RTL1: variants seen among roughly 807,000 people sequenced by gnomAD.
The protein encoded by RTL1 is retrotransposon-like protein 1.
For synonymous variants in RTL1, 727 were observed against 748.4 expected (o/e 0.97, Z 0.47); for missense variants, 1,681 against 1,767.5 (o/e 0.95, Z 0.88).
At chr14:100,894,462 G>A (rs928630766) in intron 2 of RTL1, among the ~76,000 whole-genome samples, 1 of 152,216 alleles carries the variant, frequency 6.6e-6, no homozygotes, top group Non-Finnish European at 1.5e-5. Flanking sequence ...CGCCATTCAA[G>A]TGGCTGCGCC....
chr14:100,883,540 C>G lies in RTL1; in HGVS notation c.1249G>C (p.Val417Leu). ...ACCGCGACGCTGTGGTAGGGGTTCA[C>G]TCTCACCATGAGCAGCAGGAAGAGG... ...AHLFLLLMVR[V>L]NPYHSVAVQA... is the part of the protein sequence containing the mutation. Residue 417 changes from valine to leucine, a missense_variant, in exon 4 of 4, where the codon GTG (valine) becomes CTG (leucine). Physicochemically the swap from Val to Leu is conservative, Grantham distance 32. Coordinates refer to ENST00000649591, the MANE Select transcript of RTL1 (RefSeq NM_001134888.3). The surrounding 1 kb of genome is among the most constrained non-coding windows in gnomAD (Gnocchi z 5.9). 1 of 1,551,550 alleles carries G rather than the reference C, an allele frequency of 6.4e-7. No individual in the cohort carries two copies. Among genetic ancestry groups the G allele is most frequent in the South Asian group, 1.2e-5 (1 of 84,060 alleles).
chr14:100,883,626 T>C lies in RTL1; in HGVS notation c.1163A>G (p.Glu388Gly). The C allele has an allele frequency of 1.3e-6, 2 of 1,551,098 alleles. No individual in the cohort carries two copies. Among genetic ancestry groups the C allele is most frequent in the Non-Finnish European group, 8.7e-7 (1 of 1,146,888 alleles). ...CAACCAGCTGCTGACCATCCACCTC[T>C]CTGGAGCAGGTGAGTCGATCCAGGT... is the stretch of plus-strand genomic sequence containing the variant. ...NLTWIDSPAP[E>G]RWMVSSWLPS... is the part of the protein sequence containing the mutation. The change falls in exon 4 of 4, where the codon GAG becomes GGG. Residue 388 changes from glutamate (E) to glycine (G), a missense_variant. Coordinates refer to ENST00000649591, the MANE Select transcript of RTL1 (RefSeq NM_001134888.3). This position sits in a 1 kb window ranked among gnomAD's most constrained non-coding sequence, Gnocchi z 5.9.
At position 100,882,485 on chromosome 14, in the gene RTL1, G is replaced by A. The variant is rs1179100733; in HGVS notation, c.2304C>T (p.Ser768=). 2.3e-5 allele frequency: 36 copies of A among 1,552,042 alleles called. No homozygotes were observed. Among genetic ancestry groups the A allele is most frequent in the Non-Finnish European group, 2.7e-5 (31 of 1,147,102 alleles). The change falls in exon 4 of 4, where the codon AGC becomes AGT. Residue 768 remains serine, a synonymous_variant. Transcript: ENST00000649591. ...HHNVYCSLDK[S]QFHRQTVEFL... is the part of the protein sequence containing the mutation. Reference sequence around the variant, plus strand: ...ATTCCACGGTTTGGCGGTGGAACTGGCTCTTGTCCAGGGAGCAGTAGACGT... The same window carrying A: ...ATTCCACGGTTTGGCGGTGGAACTGACTCTTGTCCAGGGAGCAGTAGACGT...
chr14:100,885,756 G>A (rs1280696080), intron 3 of RTL1, among the ~76,000 whole-genome samples: 14 of 152,064 alleles, frequency 9.2e-5, no homozygotes, highest in Admixed American at 9.2e-4. Context: ...GAGGCTTCTG[G>A]AACTTCACAC....
intron 3 of RTL1, among the ~76,000 whole-genome samples, chr14:100,891,873 G>A (rs2038784385): frequency 6.6e-6 from 1 of 152,112 alleles, no homozygotes; most frequent in South Asian, 2.1e-4. Context: ...TTCGGTGGTG[G>A]TCTTCTCACT....
In RTL1 at chr14:100,884,733, G is replaced by C. The variant is rs757383513; in HGVS notation, c.56C>G (p.Ser19Ter). The change falls in exon 4 of 4, where the codon TCA becomes TGA. Residue 19 changes from serine (S) to a stop codon, truncating the protein, a stop_gained. Coordinates refer to ENST00000649591, the MANE Select transcript of RTL1 (RefSeq NM_001134888.3). LOFTEE classifies it low-confidence loss of function (END_TRUNC). ...CTCGGAGGACTCCATTTGTTTTGATGATGGATTCTTATGCTCCATCATCGT... is the reference window on the plus strand; with the variant it reads ...CTCGGAGGACTCCATTTGTTTTGATCATGGATTCTTATGCTCCATCATCGT... ...FETMMEHKNP[S>*]SKQMESSEGS... 9 of 1,607,516 alleles carry C rather than the reference G, an allele frequency of 5.6e-6. No individual in the cohort carries two copies. The highest frequency in any genetic ancestry group is 5.1e-5 in the Admixed American group (3 of 58,352).
In RTL1 at chr14:100,882,265, G is replaced by A; in HGVS notation, c.2524C>T (p.Gln842Ter). The change falls in exon 4 of 4, where the codon CAG (glutamine) becomes TAG (stop). Residue 842 changes from glutamine (Q) to a stop codon, truncating the protein, a stop_gained. Transcript: ENST00000649591. LOFTEE classifies it low-confidence loss of function (END_TRUNC). ...PLVRQLLSSY[Q>*]FYWGVEEQEA... Reference sequence around the variant, plus strand: ...TGCTCCTCGACTCCCCAGTAGAACTGGTAGGAGCTCAGCAGCTGCCGCACC... The same window carrying A: ...TGCTCCTCGACTCCCCAGTAGAACTAGTAGGAGCTCAGCAGCTGCCGCACC... 2 of 1,551,556 alleles carry A rather than the reference G, an allele frequency of 1.3e-6. No individual in the cohort carries two copies. Among genetic ancestry groups the A allele is most frequent in the Non-Finnish European group, 1.7e-6 (2 of 1,147,014 alleles).
chr14:100,896,107 A>T, intron 2 of RTL1, among the ~76,000 whole-genome samples: 1 of 152,206 alleles, frequency 6.6e-6, no homozygotes, highest in South Asian at 2.1e-4. Flanking sequence ...GCAAAACTAT[A>T]GCAATCACCT....
intron 3 of RTL1, among the ~76,000 whole-genome samples, chr14:100,892,139 GA>G (rs1354128101): frequency 6.6e-6 from 1 of 152,214 alleles, no homozygotes; most frequent in Non-Finnish European, 1.5e-5. Context: ...CCTGGGCTGG[GA>G]GGGGTGTAAG....
Position 100,881,330 on chromosome 14 carries a change from T to C in RTL1, c.3459A>G (p.Val1153=). ...TQLLTQMPAL[V]GANTIPAQEL... Reference sequence around the variant, plus strand: ...CCTGGGCTGGGATGGTGTTTGCACCTACGAGAGCGGGCATCTGGGTGAGCA... The same window carrying C: ...CCTGGGCTGGGATGGTGTTTGCACCCACGAGAGCGGGCATCTGGGTGAGCA... Residue 1153 remains valine, a synonymous_variant, in exon 4 of 4, where the codon GTA becomes GTG. Transcript: ENST00000649591. This position sits in a 1 kb window ranked among gnomAD's most constrained non-coding sequence, Gnocchi z 6.6. 1 of 1,550,548 alleles carries C rather than the reference T, an allele frequency of 6.4e-7. No individual in the cohort carries two copies. The highest frequency in any genetic ancestry group is 8.7e-7 in the Non-Finnish European group (1 of 1,146,964).
At position 100,884,056 on chromosome 14, in the gene RTL1, G is replaced by C; in HGVS notation, c.733C>G (p.Leu245Val). The C allele has an allele frequency of 6.4e-7, 1 of 1,551,736 alleles. No homozygotes were observed. The highest frequency in any genetic ancestry group is 1.2e-5 in the South Asian group (1 of 84,068). Residue 245 changes from leucine to valine, a missense_variant, in exon 4 of 4, where the codon CTG becomes GTG. Leu to Val is a conservative substitution (Grantham distance 32). Transcript: ENST00000649591. ...RLRVGYVINH[L>V]SGLALEWAKA... ...GCCCATTCTAATGCCAAGCCGGACA[G>C]GTGATTGATGACATAGCCAACTCTC...
rs754793174 is a variant in RTL1, at chr14:100,883,147, C to T, written c.1642G>A (p.Gly548Ser). Residue 548 changes from glycine (G) to serine (S), a missense_variant, in exon 4 of 4, where the codon GGC (glycine) becomes AGC (serine). By Grantham distance (56) the Gly-to-Ser change is moderately conservative (BLOSUM62 0). Coordinates refer to ENST00000649591, the MANE Select transcript of RTL1 (RefSeq NM_001134888.3). The surrounding 1 kb of genome is among the most constrained non-coding windows in gnomAD (Gnocchi z 5.9). ...PPPCIALERH[G>S]MSLLPGLPHP... Reference sequence around the variant, plus strand: ...GGCAGTCCGGGTAGCAGGCTCATGCCGTGCCTCTCTAGGGCAATGCATGGC... The same window carrying T: ...GGCAGTCCGGGTAGCAGGCTCATGCTGTGCCTCTCTAGGGCAATGCATGGC... The T allele has an allele frequency of 1.9e-6, 3 of 1,606,692 alleles. No individual in the cohort carries two copies. In the South Asian group the frequency reaches 3.3e-5, roughly 18 times the overall value.
In RTL1 at chr14:100,883,246, C is replaced by T. The variant is rs939077503; in HGVS notation, c.1543G>A (p.Glu515Lys). Residue 515 changes from glutamate (E) to lysine (K), a missense_variant, in exon 4 of 4, where the codon GAA becomes AAA. Glu to Lys is a moderately conservative substitution (Grantham distance 56). Coordinates refer to ENST00000649591, the MANE Select transcript of RTL1 (RefSeq NM_001134888.3). The surrounding 1 kb of genome is among the most constrained non-coding windows in gnomAD (Gnocchi z 5.9). ...GIRWLRVHAPEVDWIKGRCTF... is the reference protein window; with the variant it reads ...GIRWLRVHAPKVDWIKGRCTF... ...CAGCGGCCTTTGATCCAGTCGACTT[C>T]GGGGGCGTGGACTCGGAGCCAGCGG... is the stretch of plus-strand genomic sequence containing the variant. 15 of 1,551,458 alleles carry T rather than the reference C, an allele frequency of 9.7e-6. No individual in the cohort carries two copies. Among genetic ancestry groups the T allele is most frequent in the Admixed American group, 2.0e-5 (1 of 50,958 alleles).
chr14:100,900,308 G>C (rs901817921), intron 2 of RTL1, among the ~76,000 whole-genome samples: 1 of 152,194 alleles, frequency 6.6e-6, no homozygotes, highest in African/African-American at 2.4e-5. Flanking sequence ...TGAGCTTTTT[G>C]TGTGTTAGTA....
Position 100,881,410 on chromosome 14 carries a change from T to A in RTL1, c.3379A>T (p.Ile1127Phe). The stretch of plus-strand genomic sequence containing the variant: ...CCTGCGATGAGGGACGAATCCAGGA[T>A]GAGTCGTAGGGAGCGCTGGGGCTGG... The part of the protein sequence containing the change: ...RPQPQRSLRL[I>F]LDSSLIAGSS... The change falls in exon 4 of 4, where the codon ATC (isoleucine) becomes TTC (phenylalanine). Residue 1127 changes from isoleucine (I) to phenylalanine (F), a missense_variant. Physicochemically the swap from Ile to Phe is conservative, Grantham distance 21. Transcript: ENST00000649591. The surrounding 1 kb of genome is among the most constrained non-coding windows in gnomAD (Gnocchi z 6.6). The A allele has an allele frequency of 6.4e-7, 1 of 1,550,756 alleles. No homozygotes were observed. Among genetic ancestry groups the A allele is most frequent in the Non-Finnish European group, 8.7e-7 (1 of 1,146,934 alleles).
Position 100,903,715 on chromosome 14 carries a change from G to T in RTL1, c.-355C>A, listed in dbSNP as rs1307272419. 6.6e-6 allele frequency among the ~76,000 whole-genome samples: 1 copy of T among 152,192 alleles called. No homozygotes were observed. Among genetic ancestry groups the T allele is most frequent in the Non-Finnish European group, 1.5e-5 (1 of 68,026 alleles). Reference sequence around the variant, plus strand: ...TCAGCGAGGCTGTGCCGAGTGCTGGGGGGGTGTGGGTGGGCAGGGGACGGA... The same window carrying T: ...TCAGCGAGGCTGTGCCGAGTGCTGGTGGGGTGTGGGTGGGCAGGGGACGGA... On this transcript the variant is annotated 5_prime_UTR_variant, in exon 1 of 4. Coordinates refer to ENST00000649591, the MANE Select transcript of RTL1 (RefSeq NM_001134888.3).
intron 3 of RTL1, among the ~76,000 whole-genome samples, chr14:100,892,319 A>G (rs1200091472): frequency 6.6e-6 from 1 of 152,188 alleles, no homozygotes; most frequent in East Asian, 1.9e-4. Flanking sequence ...AACTAGAATG[A>G]GGGCAGAAGG....
Position 100,893,370 on chromosome 14 carries a change from A to G in RTL1, c.-87+74T>C, listed in dbSNP as rs1375965444. Among the ~76,000 whole-genome samples, 1 of 151,972 alleles carries G rather than the reference A, an allele frequency of 6.6e-6. No individual in the cohort carries two copies. The highest frequency in any genetic ancestry group is 2.4e-5 in the African/African-American group (1 of 41,368). On this transcript the variant is annotated intron_variant, in intron 3 of 3. Transcript: ENST00000649591. This position sits in a 1 kb window ranked among gnomAD's most constrained non-coding sequence, Gnocchi z 4.2. ...TCCTGAGTGCCAGGCCATCCCATTC[A>G]CTGCCCCACCTCCCCTGCCTGCCCA...
In RTL1 at chr14:100,882,311, G is replaced by A; in HGVS notation, c.2478C>T (p.Phe826=). Reference sequence around the variant, plus strand: ...GCACCAGGGGCTCTGCGATGATGCTGAAGCGCTCCACGAAGTGGCGGTAGG... The same window carrying A: ...GCACCAGGGGCTCTGCGATGATGCTAAAGCGCTCCACGAAGTGGCGGTAGG... The part of the protein sequence containing the change: ...VFPYRHFVER[F]SIIAEPLVRQ... Residue 826 remains phenylalanine, a synonymous_variant, in exon 4 of 4, where the codon TTC becomes TTT. Transcript: ENST00000649591. 6.4e-7 allele frequency: 1 copy of A among 1,551,734 alleles called. No individual in the cohort carries two copies. The highest frequency in any genetic ancestry group is 8.7e-7 in the Non-Finnish European group (1 of 1,147,020).
Sources: allele counts gnomAD v4.1 joint callset (sites outside exome capture counted in the v4.1 genomes callset), GRCh38; gene constraint gnomAD v4.1.1; non-coding constraint Gnocchi (gnomAD v3.1); transcripts MANE v1.5; gene names NCBI Gene and HGNC (gene_info 2026-07-23, HGNC 2026-07-21).